The following EVI2B variants were observed in gnomAD, a reference collection of about 807,000 sequenced individuals.
EVI2B encodes the protein ecotropic viral integration site 2B.
In EVI2B, 4 loss-of-function variants were observed where a neutral mutation model predicts 6.6. The observed-to-expected ratio is 0.61, with a 90% CI of 0.30 to 1.39. EVI2B has a LOEUF of 1.39. Among genes scored for constraint, EVI2B ranks in the 40% most tolerant of loss-of-function variants. The pLI, the probability that EVI2B is intolerant of heterozygous loss-of-function variation, is 0.08. For synonymous variants in EVI2B, 181 were observed against 186.8 expected (o/e 0.97, Z 0.25); for missense variants, 484 against 516.6 (o/e 0.94, Z 0.61).
rs148276474 is a variant in EVI2B, at chr17:31,304,952, T to C, written c.658A>G (p.Ile220Val). 1.2e-4 allele frequency: 199 copies of C among 1,614,056 alleles called. No individual in the cohort carries two copies. Among genetic ancestry groups the C allele is most frequent in the Non-Finnish European group, 1.6e-4 (183 of 1,180,032 alleles). ...AAGCATTTCCAAAGTACAATGATGA[T>C]TATAGCTACCAACATAGAAGTCAGA... ...VLLTSMLVAI[I>V]IIVLWKCLRK... The change falls in exon 2 of 2, where the codon ATC (isoleucine) becomes GTC (valine). Residue 220 changes from isoleucine to valine, a missense_variant. Ile to Val is a conservative substitution (Grantham distance 29). Coordinates refer to ENST00000330927, the MANE Select transcript of EVI2B (RefSeq NM_006495.4).
intron 1 of EVI2B, among the ~76,000 whole-genome samples, chr17:31,312,203 A>G (rs1158644281): frequency 1.3e-5 from 2 of 152,102 alleles, no homozygotes; most frequent in Non-Finnish European, 2.9e-5. Flanking sequence ...TAGATTTGGG[A>G]CTAACCCTTT....
chr17:31,307,887 C>T (rs1407418228), intron 1 of EVI2B: 1 of 1,288,942 alleles, frequency 7.8e-7, no homozygotes, highest in South Asian at 1.2e-5. Context: ...TACAAATTAC[C>T]TTTTCAGCAT....
Position 31,304,203 on chromosome 17 carries a change from A to G in EVI2B, c.*60T>C. 5 of 1,474,012 alleles carry G rather than the reference A, an allele frequency of 3.4e-6. No individual in the cohort carries two copies. The highest frequency in any genetic ancestry group is 4.6e-6 in the Non-Finnish European group (5 of 1,095,076). 91.3% of individuals were successfully genotyped at this position (1,474,012 alleles called of 1,614,324 possible). A position where few individuals can be genotyped will look rare whatever the true frequency, so the allele number is the denominator to read the frequency against. On this transcript the variant is annotated 3_prime_UTR_variant, in exon 2 of 2. Coordinates refer to ENST00000330927, the MANE Select transcript of EVI2B (RefSeq NM_006495.4). ...CAGTTGCCATTTTATATATGTTAAC[A>G]TATAAAGAAAAAAGAGTCATTTGAG...
intron 1 of EVI2B, among the ~76,000 whole-genome samples, chr17:31,313,087 C>T (rs147755174): frequency 1.5e-3 from 229 of 152,080 alleles, no homozygotes; most frequent in Admixed American, 3.5e-3. Flanking sequence ...TTCATGTCAT[C>T]ATTATTAAAT....
At position 31,304,558 on chromosome 17, in the gene EVI2B, T is replaced by G; in HGVS notation, c.1052A>C (p.Glu351Ala). 6.2e-7 allele frequency: 1 copy of G among 1,614,202 alleles called. No homozygotes were observed. Among genetic ancestry groups the G allele is most frequent in the Non-Finnish European group, 8.5e-7 (1 of 1,180,026 alleles). ...PPPLLDLEGQ[E>A]SNQSDKPTMT... Reference sequence around the variant, plus strand: ...TGTGGGTTTGTCAGATTGGTTACTTTCCTGTCCTTCCAAATCCAGAAGGGG... The same window carrying G: ...TGTGGGTTTGTCAGATTGGTTACTTGCCTGTCCTTCCAAATCCAGAAGGGG... Residue 351 changes from glutamate to alanine, a missense_variant, in exon 2 of 2, where the codon GAA (glutamate) becomes GCA (alanine). By Grantham distance (107) the Glu-to-Ala change is moderately radical (BLOSUM62 -1). Transcript: ENST00000330927.
At chr17:31,310,452 T>C (rs918839820) in intron 1 of EVI2B, among the ~76,000 whole-genome samples, 2 of 151,646 alleles carry the variant, frequency 1.3e-5, no homozygotes, top group Admixed American at 1.3e-4. Context: ...ATGATTGAAG[T>C]AGATGAAAGA....
At chr17:31,309,599 A>G (rs2068815494) in intron 1 of EVI2B, among the ~76,000 whole-genome samples, 1 of 152,234 alleles carries the variant, frequency 6.6e-6, no homozygotes, top group South Asian at 2.1e-4. Flanking sequence ...ATCAGAAAAT[A>G]TAAGCCATGA....
chr17:31,312,063 T>C (rs2068889644), intron 1 of EVI2B, among the ~76,000 whole-genome samples: 1 of 152,216 alleles, frequency 6.6e-6, no homozygotes, highest in African/African-American at 2.4e-5. Context: ...GTGATTTTTT[T>C]TTTAAAGCTT....
Position 31,304,321 on chromosome 17 carries a change from G to T in EVI2B, c.1289C>A (p.Pro430His). The change falls in exon 2 of 2, where the codon CCC (proline) becomes CAC (histidine). Residue 430 changes from proline to histidine, a missense_variant. Transcript: ENST00000330927. ...TTCATTAAGATCTTGATCAGAGTTG[G>T]GAGGAATAGAGAACTCCTGACACTG... ...EIQCQEFSIP[P>H]NSDQDLNESL... The T allele has an allele frequency of 1.9e-6, 3 of 1,614,076 alleles. No homozygotes were observed. Among genetic ancestry groups the T allele is most frequent in the South Asian group, 2.2e-5 (2 of 91,084 alleles).
At chr17:31,305,757 AT>A in intron 1 of EVI2B, 127 bp from the exon 2 acceptor site, 1 of 763,774 alleles carries the variant, frequency 1.3e-6, no homozygotes, top group Non-Finnish European at 2.1e-6. Context: ...GTAGTAGTTG[AT>A]TAGTAGTTAT....
rs772679332 is a variant in EVI2B, at chr17:31,304,600, TCTG to T, written c.1007_1009del (p.Ala336del). On this transcript the variant is annotated inframe_deletion, in exon 2 of 2. Transcript: ENST00000330927. Reference sequence around the variant, plus strand: ...CAGAAGGGGAGGTGGTGGAGGCAGATCTGCATCATCTGAAGAAGAAACAGCAGT... The same window carrying T: ...CAGAAGGGGAGGTGGTGGAGGCAGATCATCATCTGAAGAAGAAACAGCAGT... 2 of 1,614,162 alleles carry T rather than the reference TCTG, an allele frequency of 1.2e-6. No homozygotes were observed. Among genetic ancestry groups the T allele is most frequent in the South Asian group, 2.2e-5 (2 of 91,078 alleles).
At chr17:31,307,076 G>A (rs1369448043) in intron 1 of EVI2B, among the ~76,000 whole-genome samples, 2 of 151,966 alleles carry the variant, frequency 1.3e-5, no homozygotes, top group Non-Finnish European at 2.9e-5. Flanking sequence ...AGGCTGGAGT[G>A]TAGTGGCACA....
chr17:31,310,805 C>T (rs1024763141), intron 1 of EVI2B, among the ~76,000 whole-genome samples: 1 of 152,092 alleles, frequency 6.6e-6, no homozygotes, highest in African/African-American at 2.4e-5. Context: ...TAGGCTGGCA[C>T]TTTGAGGTTT....
chr17:31,304,708 G>C lies in EVI2B; in HGVS notation c.902C>G (p.Ser301Cys). 3 of 1,614,116 alleles carry C rather than the reference G, an allele frequency of 1.9e-6. No homozygotes were observed. Among genetic ancestry groups the C allele is most frequent in the South Asian group, 2.2e-5 (2 of 91,088 alleles). ...TATTTTCTCTGTTTTGGGGTTGTTGGAGTCTTCAATGTTTTCACTTGATTC... is the reference window on the plus strand; with the variant it reads ...TATTTTCTCTGTTTTGGGGTTGTTGCAGTCTTCAATGTTTTCACTTGATTC... ...LFESSENIED[S>C]NNPKTEKIKD... The change falls in exon 2 of 2, where the codon TCC becomes TGC. Residue 301 changes from serine to cysteine, a missense_variant. Physicochemically the swap from Ser to Cys is moderately radical, Grantham distance 112 (BLOSUM62 -1). Coordinates refer to ENST00000330927, the MANE Select transcript of EVI2B (RefSeq NM_006495.4).
intron 1 of EVI2B, among the ~76,000 whole-genome samples, chr17:31,313,720 AT>A (rs60945048): frequency 0.019 from 1,878 of 101,146 alleles, 32 homozygotes; most frequent in African/African-American, 0.064. Flanking sequence ...AAAAAAAAAA[AT>A]ATGTGTGTGT....
rs184485004 is a variant in EVI2B, at chr17:31,304,380, A to G, written c.1230T>C (p.Phe410=). ...GGTTGGAATCTTCTTGGTTTTTCAT[A>G]AAATCTACTGGTGGCAGGGGCAAGT... ...SLNLPLPPVD[F]MKNQEDSNLE... The change falls in exon 2 of 2, where the codon TTT becomes TTC. Residue 410 remains phenylalanine, a synonymous_variant. Transcript: ENST00000330927. 9.0e-5 allele frequency: 145 copies of G among 1,614,112 alleles called. 1 individual carries two copies. In the East Asian group the frequency reaches 2.1e-3, roughly 23 times the overall value.
intron 1 of EVI2B, among the ~76,000 whole-genome samples, chr17:31,309,306 G>A (rs2068808516): frequency 6.6e-6 from 1 of 152,118 alleles, no homozygotes; most frequent in Admixed American, 6.6e-5. Context: ...TTCCATTTTA[G>A]TTTTTGCTTT....
Position 31,304,017 on chromosome 17 carries a change from T to C in EVI2B, c.*246A>G, listed in dbSNP as rs1232776300. 1 of 334,370 alleles carries C rather than the reference T, an allele frequency of 3.0e-6. No individual in the cohort carries two copies. The highest frequency in any genetic ancestry group is 5.4e-6 in the Non-Finnish European group (1 of 184,272). The allele number at this position is 334,370 out of a possible 1,614,324, so 20.7% of individuals were successfully genotyped here. On this transcript the variant is annotated 3_prime_UTR_variant, in exon 2 of 2. Coordinates refer to ENST00000330927, the MANE Select transcript of EVI2B (RefSeq NM_006495.4). Reference sequence around the variant, plus strand: ...TCAGAGTTCTTAAATTATTGAAACATACCATTTACATATGTAAAATGTACT... The same window carrying C: ...TCAGAGTTCTTAAATTATTGAAACACACCATTTACATATGTAAAATGTACT...
Position 31,304,443 on chromosome 17 carries a change from A to C in EVI2B, c.1167T>G (p.Ser389=). 1 of 1,614,168 alleles carries C rather than the reference A, an allele frequency of 6.2e-7. No homozygotes were observed. The highest frequency in any genetic ancestry group is 8.5e-7 in the Non-Finnish European group (1 of 1,180,014). The change falls in exon 2 of 2, where the codon TCT becomes TCG. Residue 389 remains serine, a synonymous_variant. Transcript: ENST00000330927. Reference sequence around the variant, plus strand: ...GCGGTGGAAATGATTGTATTATCTCAGATTTATGATCTCCACAGTCTTGAT... The same window carrying C: ...GCGGTGGAAATGATTGTATTATCTCCGATTTATGATCTCCACAGTCTTGAT... ...CLNQDCGDHK[S]EIIQSFPPLD...
Sources: gnomAD v4.1 joint callset for allele counts (sites outside exome capture counted in the v4.1 genomes callset) on GRCh38, gnomAD v4.1.1 for gene constraint, MANE v1.5 for transcripts, NCBI Gene and HGNC (gene_info 2026-07-23, HGNC 2026-07-21) for gene names.